Variants in CAPSL observed in about 807,000 individuals in gnomAD.
CAPSL encodes calcyphosin-like protein.
A neutral mutation model predicts 21.3 loss-of-function variants in CAPSL; 17 were observed. The ratio of observed to expected loss-of-function variants is 0.80; its 90% CI spans 0.55 to 1.20. The LOEUF (loss-of-function observed/expected upper bound fraction) is 1.20. Ranked by LOEUF, CAPSL falls within the 50% of genes most tolerant of loss-of-function variation. CAPSL has a pLI of 0.00. For missense variants in CAPSL, 289 were observed against 259.3 expected (o/e 1.11, Z -0.79); for synonymous variants, 102 against 89.3 (o/e 1.14, Z -0.80).
chr5:35,931,719 C>G (rs1353996613), intron 1 of CAPSL, among the ~76,000 whole-genome samples: 1 of 152,052 alleles, frequency 6.6e-6, no homozygotes, highest in Non-Finnish European at 1.5e-5. Flanking sequence ...CAAAGGTAAG[C>G]AAAGAGTTAG....
intron 1 of CAPSL, among the ~76,000 whole-genome samples, chr5:35,925,402 G>A (rs1252214368): frequency 6.6e-6 from 1 of 152,144 alleles, no homozygotes; most frequent in East Asian, 1.9e-4. Flanking sequence ...TTAGATAGCA[G>A]GTGTACCAAC....
chr5:35,935,337 T>TC (rs1738917646), intron 1 of CAPSL, among the ~76,000 whole-genome samples: 1 of 132,386 alleles, frequency 7.6e-6, no homozygotes, highest in African/African-American at 3.0e-5. Flanking sequence ...CCAAACTTCT[T>TC]TTTTTTTTTT....
intron 2 of CAPSL, among the ~76,000 whole-genome samples, chr5:35,914,276 C>G (rs1379462388): frequency 1.3e-5 from 2 of 152,134 alleles, no homozygotes; most frequent in African/African-American, 4.8e-5. Flanking sequence ...TTTACCACCC[C>G]ACTGTCAACA....
intron 2 of CAPSL, among the ~76,000 whole-genome samples, chr5:35,917,563 G>T (rs1738424734): frequency 6.6e-6 from 1 of 152,170 alleles, no homozygotes; most frequent in Non-Finnish European, 1.5e-5. Flanking sequence ...CATGTCCTTT[G>T]TAGGGACATG....
intron 1 of CAPSL, among the ~76,000 whole-genome samples, chr5:35,937,789 A>G (rs1738990256): frequency 6.6e-6 from 1 of 152,024 alleles, no homozygotes; most frequent in African/African-American, 2.4e-5. Flanking sequence ...AAAACTTTCA[A>G]TAACAAAATA....
intron 1 of CAPSL, among the ~76,000 whole-genome samples, chr5:35,923,911 A>G (rs1416452752): frequency 1.3e-5 from 2 of 152,248 alleles, no homozygotes; most frequent in Non-Finnish European, 2.9e-5. Context: ...TCAATAAAAT[A>G]AAACCCATGC....
At chr5:35,915,686 A>G (rs1319686576) in intron 2 of CAPSL, among the ~76,000 whole-genome samples, 1 of 152,204 alleles carries the variant, frequency 6.6e-6, no homozygotes, top group Non-Finnish European at 1.5e-5. Flanking sequence ...ACTCTCAACA[A>G]ATTAGGTATT....
intron 2 of CAPSL, among the ~76,000 whole-genome samples, chr5:35,917,712 G>T (rs1273968487): frequency 6.6e-6 from 1 of 152,122 alleles, no homozygotes; most frequent in Non-Finnish European, 1.5e-5. Context: ...ACCGGTGCCT[G>T]TTGTGGGGTG....
chr5:35,937,372 C>T (rs1738977962), intron 1 of CAPSL, among the ~76,000 whole-genome samples: 1 of 152,192 alleles, frequency 6.6e-6, no homozygotes, highest in Non-Finnish European at 1.5e-5. Flanking sequence ...AATTCTCCAT[C>T]CGTTCAAAAT....
chr5:35,929,566 G>A (rs1458380634), intron 1 of CAPSL, among the ~76,000 whole-genome samples: 3 of 152,152 alleles, frequency 2.0e-5, no homozygotes, highest in Admixed American at 6.5e-5. Context: ...TGGGATTACA[G>A]GCGTAAGCCA....
At chr5:35,934,090 C>A (rs1456194254) in intron 1 of CAPSL, among the ~76,000 whole-genome samples, 1 of 152,150 alleles carries the variant, frequency 6.6e-6, no homozygotes, top group Non-Finnish European at 1.5e-5. Flanking sequence ...CTCTTGTGAA[C>A]CTTGATATGT....
intron 1 of CAPSL, among the ~76,000 whole-genome samples, chr5:35,927,877 C>A (rs982783903): frequency 6.6e-6 from 1 of 152,212 alleles, no homozygotes; most frequent in Admixed American, 6.5e-5. Flanking sequence ...CATAGTTCCT[C>A]AATAAGTTTC....
At chr5:35,915,797 T>G (rs948962160) in intron 2 of CAPSL, among the ~76,000 whole-genome samples, 6 of 152,164 alleles carry the variant, frequency 3.9e-5, no homozygotes, top group Non-Finnish European at 8.8e-5. Context: ...ATTTGAAAAC[T>G]GGCACAAGAC....
intron 1 of CAPSL, among the ~76,000 whole-genome samples, chr5:35,922,185 T>C (rs902211484): frequency 6.6e-6 from 1 of 152,056 alleles, no homozygotes; most frequent in Non-Finnish European, 1.5e-5. Context: ...ATTATTTTCA[T>C]CAAAGACAGC....
intron 1 of CAPSL, among the ~76,000 whole-genome samples, chr5:35,936,451 T>C (rs527549191): frequency 6.6e-6 from 1 of 152,326 alleles, no homozygotes; most frequent in African/African-American, 2.4e-5. Flanking sequence ...CCAGATTTTC[T>C]ACTTTCTCAT....
chr5:35,907,812 A>G (rs1561434822), intron 4 of CAPSL, among the ~76,000 whole-genome samples: 1 of 152,238 alleles, frequency 6.6e-6, no homozygotes, highest in Non-Finnish European at 1.5e-5. Context: ...ATGCTTCACC[A>G]CAAGCAATCT....
At chr5:35,934,890 C>T (rs1738905379) in intron 1 of CAPSL, among the ~76,000 whole-genome samples, 1 of 152,282 alleles carries the variant, frequency 6.6e-6, no homozygotes, top group Middle Eastern at 3.4e-3. Flanking sequence ...CTGATTGGTA[C>T]AATATCTTTA....
At chr5:35,905,749 T>A (rs976448576) in intron 4 of CAPSL, among the ~76,000 whole-genome samples, 1 of 152,258 alleles carries the variant, frequency 6.6e-6, no homozygotes, top group Non-Finnish European at 1.5e-5. Context: ...TATTGCCCTC[T>A]TTCTATCTTT....
intron 2 of CAPSL, among the ~76,000 whole-genome samples, chr5:35,915,248 C>T (rs2149921364): frequency 6.6e-6 from 1 of 152,226 alleles, no homozygotes; most frequent in East Asian, 1.9e-4. Context: ...AGTCCAGGAC[C>T]AGAAGGATTC....
Sources: gnomAD v4.1 joint callset for allele counts (sites outside exome capture counted in the v4.1 genomes callset) on GRCh38, gnomAD v4.1.1 for gene constraint, MANE v1.5 for transcripts, NCBI Gene and HGNC (gene_info 2026-07-23, HGNC 2026-07-21) for gene names.